The following VEPH1 variants were observed in gnomAD, a reference collection of about 807,000 sequenced individuals.
VEPH1 encodes the protein ventricular zone-expressed PH domain-containing protein homolog 1.
VEPH1 carries 80 observed loss-of-function variants against 85.2 expected under a neutral mutation model. The observed-to-expected ratio is 0.94, with a 90% CI of 0.78 to 1.13. The LOEUF (loss-of-function observed/expected upper bound fraction) is 1.13. Ranked by LOEUF, VEPH1 falls within the 50% of genes most tolerant of loss-of-function variation. The pLI is 0.00. For missense variants in VEPH1, 955 were observed against 980.5 expected, an observed-to-expected ratio of 0.97 and a Z score of 0.35; for synonymous variants, 297 against 348.0, an observed-to-expected ratio of 0.85 and a Z score of 1.63.
chr3:157,312,992 C>T (rs2108511541), intron 11 of VEPH1, among the ~76,000 whole-genome samples: 1 of 148,976 alleles, frequency 6.7e-6, no homozygotes, highest in South Asian at 2.2e-4. Context: ...GCAAGCTCCG[C>T]CTCCCGGGTT....
chr3:157,353,040 C>T (rs1725036009), intron 9 of VEPH1, among the ~76,000 whole-genome samples: 1 of 152,092 alleles, frequency 6.6e-6, no homozygotes, highest in Non-Finnish European at 1.5e-5. Flanking sequence ...GATGAAGTAA[C>T]CTGTTCAAGG....
At chr3:157,383,856 C>A (rs192527431) in intron 6 of VEPH1, among the ~76,000 whole-genome samples, 2 of 152,140 alleles carry the variant, frequency 1.3e-5, no homozygotes, top group Non-Finnish European at 2.9e-5. Flanking sequence ...GGTTGCAGAA[C>A]AATACTTAAA....
intron 11 of VEPH1, among the ~76,000 whole-genome samples, chr3:157,296,836 T>A (rs1023971245): frequency 1.3e-5 from 2 of 152,268 alleles, no homozygotes; most frequent in African/African-American, 4.8e-5. Flanking sequence ...GAAAATATTT[T>A]AATTTCTCTT....
At chr3:157,430,742 T>C (rs1424851480) in intron 4 of VEPH1, among the ~76,000 whole-genome samples, 1 of 152,258 alleles carries the variant, frequency 6.6e-6, no homozygotes, top group Non-Finnish European at 1.5e-5. Context: ...GCACTGAGTA[T>C]GTCCCTAGGA....
intron 2 of VEPH1, among the ~76,000 whole-genome samples, chr3:157,481,433 A>AACACACCCAC (rs1738039687): frequency 2.6e-5 from 1 of 38,664 alleles, no homozygotes; most frequent in Non-Finnish European, 4.5e-5. Flanking sequence ...TATGGAACCA[A>AACACACCCAC]ACACACACAC....
chr3:157,357,996 T>C (rs1254005756), intron 9 of VEPH1, among the ~76,000 whole-genome samples: 1 of 152,178 alleles, frequency 6.6e-6, no homozygotes, highest in African/African-American at 2.4e-5. Context: ...CACGCCCGAG[T>C]CTTGCACCTA....
At chr3:157,304,045 A>ACACACC (rs1719197313) in intron 11 of VEPH1, among the ~76,000 whole-genome samples, 1 of 143,660 alleles carries the variant, frequency 7.0e-6, no homozygotes, top group Non-Finnish European at 1.5e-5. Flanking sequence ...ATATACACAC[A>ACACACC]TACTGTTACA....
intron 11 of VEPH1, among the ~76,000 whole-genome samples, chr3:157,305,373 G>A (rs976841523): frequency 1.6e-4 from 24 of 151,970 alleles, no homozygotes; most frequent in Non-Finnish European, 3.1e-4. Flanking sequence ...GCCTCCCAAA[G>A]TGCTGGGATT....
chr3:157,354,421 T>C (rs1725206051), intron 9 of VEPH1, among the ~76,000 whole-genome samples: 1 of 152,094 alleles, frequency 6.6e-6, no homozygotes, highest in African/African-American at 2.4e-5. Flanking sequence ...CTTTGAAATA[T>C]ATCTGGAGTG....
At chr3:157,293,571 A>G (rs1309469363) in intron 11 of VEPH1, among the ~76,000 whole-genome samples, 2 of 152,198 alleles carry the variant, frequency 1.3e-5, no homozygotes, top group Non-Finnish European at 2.9e-5. Flanking sequence ...TAATTTAAGA[A>G]CAAATATGAC....
chr3:157,337,057 G>A (rs1057464269), intron 9 of VEPH1, among the ~76,000 whole-genome samples: 3 of 151,438 alleles, frequency 2.0e-5, no homozygotes, highest in African/African-American at 4.8e-5. Flanking sequence ...TAAAATTTTT[G>A]GAATTATTAC....
chr3:157,435,419 A>G (rs7616177), intron 4 of VEPH1, among the ~76,000 whole-genome samples: 88,050 of 152,042 alleles, frequency 0.58, 25,941 homozygotes, highest in East Asian at 0.68. Flanking sequence ...CACAAACTCA[A>G]AGGGACCTTG....
At chr3:157,262,777 G>T (rs983734758) in intron 13 of VEPH1, among the ~76,000 whole-genome samples, 16 of 152,056 alleles carry the variant, frequency 1.1e-4, no homozygotes, top group Non-Finnish European at 2.2e-4. Flanking sequence ...ATGCTGCAAG[G>T]TATTACATAG....
At chr3:157,382,184 G>C (rs1375121943) in intron 6 of VEPH1, among the ~76,000 whole-genome samples, 2 of 152,174 alleles carry the variant, frequency 1.3e-5, no homozygotes, top group African/African-American at 4.8e-5. Context: ...GTGTATTACA[G>C]TTTTTATATG....
chr3:157,308,355 A>G (rs1468626111), intron 11 of VEPH1, among the ~76,000 whole-genome samples: 3 of 151,920 alleles, frequency 2.0e-5, no homozygotes, highest in African/African-American at 7.2e-5. Flanking sequence ...TAGGGTTTTG[A>G]TATCATTCTC....
intron 4 of VEPH1, among the ~76,000 whole-genome samples, chr3:157,451,705 C>T (rs1369483917): frequency 6.6e-6 from 1 of 152,044 alleles, no homozygotes; most frequent in Non-Finnish European, 1.5e-5. Context: ...TAATAGCAAA[C>T]AAGTCTAAGA....
At chr3:157,476,683 T>C (rs1175898740) in intron 2 of VEPH1, among the ~76,000 whole-genome samples, 1 of 152,146 alleles carries the variant, frequency 6.6e-6, no homozygotes, top group Non-Finnish European at 1.5e-5. Context: ...TCCCTGCAGG[T>C]AGAATACATG....
chr3:157,306,372 T>C (rs1277086766), intron 11 of VEPH1, among the ~76,000 whole-genome samples: 1 of 152,178 alleles, frequency 6.6e-6, no homozygotes, highest in Non-Finnish European at 1.5e-5. Flanking sequence ...TGGTGTGTTT[T>C]AAAAATTTAT....
At position 157,421,680 on chromosome 3, in the gene VEPH1, G is replaced by A. The variant is rs77984205; in HGVS notation, c.696+6642C>T. Among the ~76,000 whole-genome samples the A allele has an allele frequency of 8.1e-3, 1,227 of 152,288 alleles. 3 individuals carry two copies. The highest frequency in any genetic ancestry group is 0.011 in the Non-Finnish European group (775 of 68,024). On this transcript the variant is annotated intron_variant, in intron 5 of 13. Coordinates refer to ENST00000362010, the MANE Select transcript of VEPH1 (RefSeq NM_001167912.2). ...GTTTCTGTATTGTACCACCTGTGGT[G>A]ACAGACCCTTTGAAATCAAGGGTGT...
Sources: allele counts gnomAD v4.1 joint callset (sites outside exome capture counted in the v4.1 genomes callset), GRCh38; gene constraint gnomAD v4.1.1; transcripts MANE v1.5; gene names NCBI Gene and HGNC (gene_info 2026-07-23, HGNC 2026-07-21).